Variants in BCL11A observed in about 807,000 individuals in gnomAD.
BCL11A encodes B cell CLL/lymphoma 11A.
In BCL11A, 2 loss-of-function variants were observed where a neutral mutation model predicts 55.9. The observed-to-expected ratio is 0.04, with a 90% CI of 0.01 to 0.11. The LOEUF is 0.11. Among genes scored for constraint, BCL11A ranks in the 10% least tolerant of loss-of-function variants. BCL11A has a pLI of 1.00. For synonymous variants in BCL11A, 465 were observed against 473.4 expected, an observed-to-expected ratio of 0.98 and a Z score of 0.23; for missense variants, 817 against 1,137.1, an observed-to-expected ratio of 0.72 and a Z score of 4.05.
At chr2:60,551,022 G>A in intron 1 of BCL11A, 1 of 397,626 alleles carries the variant, frequency 2.5e-6, no homozygotes, top group Non-Finnish European at 4.4e-6. Flanking sequence ...GGGAGCTTCC[G>A]AAGTGTGTGA....
intron 2 of BCL11A, among the ~76,000 whole-genome samples, chr2:60,471,483 T>C (rs1677192064): frequency 6.6e-6 from 1 of 152,254 alleles, no homozygotes; most frequent in African/African-American, 2.4e-5. Context: ...GCTAAATTGT[T>C]AATAGCCTCC....
chr2:60,500,528 G>A (rs967291021), intron 2 of BCL11A, among the ~76,000 whole-genome samples: 3 of 152,168 alleles, frequency 2.0e-5, no homozygotes, highest in African/African-American at 7.2e-5. Flanking sequence ...GAGAAAAAAT[G>A]GCAGAAGAAT....
At chr2:60,474,319 A>G (rs1677390812) in intron 2 of BCL11A, among the ~76,000 whole-genome samples, 1 of 152,224 alleles carries the variant, frequency 6.6e-6, no homozygotes, top group South Asian at 2.1e-4. Context: ...CCAAAAAAAA[A>G]AAATCTTGCT....
intron 2 of BCL11A, among the ~76,000 whole-genome samples, chr2:60,500,216 C>A (rs1679203110): frequency 6.6e-6 from 1 of 152,202 alleles, no homozygotes; most frequent in African/African-American, 2.4e-5. Context: ...GCTGTGGGGG[C>A]AGCACAGGAC....
intron 2 of BCL11A, among the ~76,000 whole-genome samples, chr2:60,512,114 G>C (rs533809548): frequency 1.3e-5 from 2 of 152,326 alleles, no homozygotes; most frequent in African/African-American, 2.4e-5. Flanking sequence ...CAACTTGGAA[G>C]GCTAAGGAGC....
intron 3 of BCL11A, among the ~76,000 whole-genome samples, chr2:60,467,362 G>A (rs1572962112): frequency 1.8e-5 from 1 of 56,482 alleles, no homozygotes; most frequent in Non-Finnish European, 3.6e-5. Flanking sequence ...TGGTGGTGGT[G>A]ATGGTGGTGA....
At chr2:60,552,527 G>A (rs1670457543) in intron 1 of BCL11A, among the ~76,000 whole-genome samples, 2 of 152,164 alleles carry the variant, frequency 1.3e-5, no homozygotes, top group Non-Finnish European at 1.5e-5. Context: ...CGGCAGTGCC[G>A]GCCGCGTCTC....
chr2:60,542,394 C>G (rs1669961137), intron 2 of BCL11A: 1 of 152,188 alleles, frequency 6.6e-6, no homozygotes, highest in Non-Finnish European at 1.5e-5. Context: ...GAATATTTCC[C>G]CCCATCATAA....
intron 2 of BCL11A, among the ~76,000 whole-genome samples, chr2:60,523,443 A>G (rs956874184): frequency 6.6e-6 from 1 of 152,188 alleles, no homozygotes; most frequent in African/African-American, 2.4e-5. Flanking sequence ...AAAAACTTCT[A>G]TATTGATTTG....
At chr2:60,485,141 A>C (rs1678198468) in intron 2 of BCL11A, among the ~76,000 whole-genome samples, 1 of 152,250 alleles carries the variant, frequency 6.6e-6, no homozygotes, top group Non-Finnish European at 1.5e-5. Context: ...GCCAGTGCCT[A>C]ATTTCCTAAA....
intron 2 of BCL11A, chr2:60,526,869 C>G (rs1669226256): frequency 1.3e-5 from 2 of 152,252 alleles, no homozygotes; most frequent in Admixed American, 1.3e-4. Flanking sequence ...CCAACGCATT[C>G]TTAAGCGGGG....
At chr2:60,470,484 AG>A (rs1178689607) in intron 2 of BCL11A, among the ~76,000 whole-genome samples, 25 of 152,300 alleles carry the variant, frequency 1.6e-4, no homozygotes, top group African/African-American at 5.8e-4. Context: ...TAGGAAACAC[AG>A]GCAACCCAGG....
chr2:60,537,914 C>G (rs1669742341), intron 2 of BCL11A: 1 of 152,196 alleles, frequency 6.6e-6, no homozygotes, highest in African/African-American at 2.4e-5. Flanking sequence ...GGATTCGCCT[C>G]TATCTAAAAC....
downstream of BCL11A, among the ~76,000 whole-genome samples, chr2:60,455,788 T>C (rs937064420): frequency 6.6e-6 from 1 of 152,228 alleles, no homozygotes; most frequent in African/African-American, 2.4e-5. Context: ...AGAGGTTTTA[T>C]GGACATTTAA....
chr2:60,524,521 A>T (rs1263851532), intron 2 of BCL11A: 2 of 151,262 alleles, frequency 1.3e-5, no homozygotes, highest in East Asian at 3.9e-4. Context: ...GTTACCAGAG[A>T]TAGAAGAGCA....
intron 1 of BCL11A, among the ~76,000 whole-genome samples, chr2:60,552,482 C>T (rs957831977): frequency 6.6e-6 from 1 of 152,042 alleles, no homozygotes; most frequent in Non-Finnish European, 1.5e-5. Flanking sequence ...CAAAAGGCAG[C>T]GGGACAAACA....
chr2:60,511,148 G>T (rs552797089), intron 2 of BCL11A, among the ~76,000 whole-genome samples: 2 of 152,300 alleles, frequency 1.3e-5, no homozygotes, highest in African/African-American at 4.8e-5. Context: ...TGCCTCCACG[G>T]CATTACTCTC....
chr2:60,486,053 A>G (rs769845972), intron 2 of BCL11A, among the ~76,000 whole-genome samples: 3 of 152,146 alleles, frequency 2.0e-5, no homozygotes, highest in Non-Finnish European at 2.9e-5. Flanking sequence ...ATCTATTTCC[A>G]TATCTACCCA....
intron 2 of BCL11A, among the ~76,000 whole-genome samples, chr2:60,510,944 C>A (rs568369582): frequency 1.7e-4 from 26 of 152,330 alleles, no homozygotes; most frequent in South Asian, 8.3e-4. Flanking sequence ...TAAAACCAAA[C>A]GAAAGTCTTT....
Sources: allele counts gnomAD v4.1 joint callset (sites outside exome capture counted in the v4.1 genomes callset), GRCh38; gene constraint gnomAD v4.1.1; transcripts MANE v1.5; gene names NCBI Gene and HGNC (gene_info 2026-07-23, HGNC 2026-07-21).